Variants in ATAD2B observed in about 807,000 individuals in gnomAD.
ATAD2B encodes ATPase family AAA domain containing 2B, also known as ATPase family AAA domain-containing protein 2B.
Under a neutral mutation model 167.6 loss-of-function variants are expected in ATAD2B, and 40 were observed. That is an observed-to-expected ratio of 0.24 (90% confidence interval 0.19 to 0.31). The LOEUF is 0.31. Among genes scored for constraint, ATAD2B ranks in the 10% least tolerant of loss-of-function variants. ATAD2B has a pLI of 1.00. For synonymous variants in ATAD2B, 579 were observed against 596.5 expected, an observed-to-expected ratio of 0.97 and a Z score of 0.43; for missense variants, 1,242 against 1,757.2, an observed-to-expected ratio of 0.71 and a Z score of 5.24.
the ATAD2B span, among the ~76,000 whole-genome samples, chr2:23,738,208 G>C: frequency 1.3e-5 from 2 of 152,188 alleles, no homozygotes; most frequent in Admixed American, 6.5e-5. Context: ...ATGCCACAAA[G>C]ATAGTCCTTG....
chr2:23,732,106 G>C, the ATAD2B span, among the ~76,000 whole-genome samples: 1 of 152,120 alleles, frequency 6.6e-6, no homozygotes, highest in East Asian at 1.9e-4. Flanking sequence ...GTGCTCAATA[G>C]CTACCATATT....
At chr2:23,680,711 C>CCCCTGGGGTCTCTAGGCCATCTTA in the ATAD2B span, among the ~76,000 whole-genome samples, 3 of 149,654 alleles carry the variant, frequency 2.0e-5, no homozygotes, top group Admixed American at 2.0e-4. The surrounding 1 kb of genome is among the most constrained non-coding windows in gnomAD (Gnocchi z 4.1). Flanking sequence ...AGGCCATCTT[C>CCCCTGGGGTCTCTAGGCCATCTTA]CCCTGGGGTC....
At position 23,884,868 on chromosome 2, in the gene ATAD2B, GT is replaced by G; in HGVS notation, c.680del (p.Asn227ThrfsTer8). On this transcript the variant is annotated frameshift_variant, in exon 6 of 28. Coordinates refer to ENST00000238789, the MANE Select transcript of ATAD2B (RefSeq NM_017552.4). LOFTEE classifies it high-confidence loss of function. Reference sequence around the variant, plus strand: ...TTTTCACTCTTGAATACATATCCATGTTTTCCTTTTAAAGAAAGAAATCTGT... The same window carrying G: ...TTTTCACTCTTGAATACATATCCATGTTTCCTTTTAAAGAAAGAAATCTGT... ...LRMWTDTEFENMDMYSRVKRR... is the reference protein window; with the variant it reads ...LRMWTDTEFEXMDMYSRVKRR... 6.5e-7 allele frequency: 1 copy of G among 1,542,020 alleles called. No homozygotes were observed. The highest frequency in any genetic ancestry group is 2.1e-5 in the Admixed American group (1 of 47,178).
At chr2:23,917,274 T>C (rs1393955781) in intron 1 of ATAD2B, among the ~76,000 whole-genome samples, 1 of 152,214 alleles carries the variant, frequency 6.6e-6, no homozygotes, top group Non-Finnish European at 1.5e-5. Flanking sequence ...CTAGAGAACA[T>C]ACTTTCTGGG....
chr2:23,860,499 G>C (rs1694177857), intron 12 of ATAD2B, among the ~76,000 whole-genome samples: 1 of 152,088 alleles, frequency 6.6e-6, no homozygotes, highest in Non-Finnish European at 1.5e-5. Context: ...ATGAATATTA[G>C]ATAACAAATG....
intron 13 of ATAD2B, among the ~76,000 whole-genome samples, chr2:23,843,350 T>C (rs1444727867): frequency 6.6e-6 from 1 of 151,932 alleles, no homozygotes; most frequent in Non-Finnish European, 1.5e-5. Flanking sequence ...AGACACAAAA[T>C]CAGAATAAAC....
At chr2:23,910,089 C>T (rs899390797) in intron 1 of ATAD2B, among the ~76,000 whole-genome samples, 1 of 151,734 alleles carries the variant, frequency 6.6e-6, no homozygotes, top group African/African-American at 2.4e-5. Flanking sequence ...GTATCAAACT[C>T]CTGGCCTCAA....
At chr2:23,694,947 C>T in the ATAD2B span, among the ~76,000 whole-genome samples, 18 of 152,322 alleles carry the variant, frequency 1.2e-4, no homozygotes, top group African/African-American at 4.3e-4. Flanking sequence ...ACAGTGGTCT[C>T]TGCACCCCCA....
intron 27 of ATAD2B, 111 bp from the exon 28 acceptor site, chr2:23,752,198 A>G (rs530985702): frequency 2.3e-4 from 175 of 768,940 alleles, no homozygotes; most frequent in Non-Finnish European, 3.6e-4. Flanking sequence ...GATACAGGTT[A>G]AACTTTGAAT....
chr2:23,777,936 T>C (rs967572351), intron 22 of ATAD2B, among the ~76,000 whole-genome samples: 1 of 152,234 alleles, frequency 6.6e-6, no homozygotes, highest in Non-Finnish European at 1.5e-5. Flanking sequence ...TTCAAAATGT[T>C]GGCTTTTGTC....
rs141087397 is a variant in ATAD2B at position 23,814,778 on chromosome 2, G to A, written c.2268-4276C>T. ...ACGTTAAAAGTTTGGAATGTGGCCT[G>A]GCGCAGTGTCTCACACCTGTAATCC... On this transcript the variant is annotated intron_variant, in intron 17 of 27. Transcript: ENST00000238789. 3.4e-3 allele frequency among the ~76,000 whole-genome samples: 524 copies of A among 152,250 alleles called. 4 individuals carry two copies. Among genetic ancestry groups the A allele is most frequent in the African/African-American group, 0.012 (509 of 41,538 alleles).
the ATAD2B span, among the ~76,000 whole-genome samples, chr2:23,688,009 G>C: frequency 2.0e-5 from 3 of 152,246 alleles, no homozygotes; most frequent in African/African-American, 7.2e-5. Context: ...GAAGGGTCCC[G>C]GCAAAGTCCT....
At chr2:23,679,902 G>A in the ATAD2B span, among the ~76,000 whole-genome samples, 10 of 152,172 alleles carry the variant, frequency 6.6e-5, no homozygotes, top group African/African-American at 2.2e-4. Flanking sequence ...AGATCCAGGC[G>A]GAGGGGACGG....
downstream of ATAD2B, among the ~76,000 whole-genome samples, chr2:23,746,762 T>C (rs149137976): frequency 0.011 from 1,651 of 152,260 alleles, 17 homozygotes; most frequent in Middle Eastern, 0.037. Context: ...ATAGGGAATA[T>C]AAGGGAAGCA....
intron 14 of ATAD2B, among the ~76,000 whole-genome samples, chr2:23,829,827 T>C (rs1451006776): frequency 6.6e-6 from 1 of 152,224 alleles, no homozygotes; most frequent in African/African-American, 2.4e-5. Flanking sequence ...TAATACAAGG[T>C]ATTTCAATAA....
At chr2:23,850,657 C>G (rs1692428529) in intron 13 of ATAD2B, among the ~76,000 whole-genome samples, 1 of 151,912 alleles carries the variant, frequency 6.6e-6, no homozygotes. Context: ...AGGGAGGGCT[C>G]TGCAGGGCAG....
intron 10 of ATAD2B, among the ~76,000 whole-genome samples, chr2:23,865,401 C>G (rs1221420547): frequency 1.3e-5 from 2 of 151,822 alleles, no homozygotes; most frequent in South Asian, 2.1e-4. Context: ...TGGTGGCGCA[C>G]GCCTGTAATC....
At chr2:23,687,957 G>C in the ATAD2B span, among the ~76,000 whole-genome samples, 3 of 152,098 alleles carry the variant, frequency 2.0e-5, no homozygotes, top group South Asian at 6.2e-4. Flanking sequence ...CCCAGCCTGC[G>C]GCCGAGTCCC....
At chr2:23,802,289 A>C (rs1207938338) in intron 18 of ATAD2B, among the ~76,000 whole-genome samples, 1 of 152,068 alleles carries the variant, frequency 6.6e-6, no homozygotes, top group East Asian at 1.9e-4. Context: ...AATAAATAAC[A>C]TCTGTGCATT....
Sources: gnomAD v4.1 joint callset for allele counts (sites outside exome capture counted in the v4.1 genomes callset) on GRCh38, gnomAD v4.1.1 for gene constraint, Gnocchi (gnomAD v3.1) non-coding constraint, MANE v1.5 for transcripts, NCBI Gene and HGNC (gene_info 2026-07-23, HGNC 2026-07-21) for gene names.